BIRC6: variants seen among roughly 807,000 people sequenced by gnomAD.
BIRC6 encodes the protein baculoviral IAP repeat containing 6.
BIRC6 carries 98 observed loss-of-function variants against 503.3 expected under a neutral mutation model. That is an observed-to-expected ratio of 0.19 (90% CI 0.17 to 0.23). The LOEUF (loss-of-function observed/expected upper bound fraction) is 0.23, where lower values mean the gene tolerates loss of function less well. Ranked by LOEUF, BIRC6 falls within the 10% of genes least tolerant of loss-of-function variation. The pLI, the probability that BIRC6 is intolerant of heterozygous loss-of-function variation, is 1.00. For missense variants in BIRC6, 5,360 were observed against 5,806.0 expected (o/e 0.92, Z 2.50); for synonymous variants, 2,240 against 2,078.7 (o/e 1.08, Z -2.11).
chr2:32,557,896 G>C (rs906552192), intron 65 of BIRC6: 2 of 152,124 alleles, frequency 1.3e-5, no homozygotes, highest in African/African-American at 4.8e-5. Flanking sequence ...GAATGATTGT[G>C]AAGCAAATTG....
intron 23 of BIRC6, among the ~76,000 whole-genome samples, chr2:32,456,745 T>G (rs1350610249): frequency 6.6e-6 from 1 of 152,196 alleles, no homozygotes. Flanking sequence ...TTGCTAGTTG[T>G]GTTCTTCAAA....
intron 39 of BIRC6, among the ~76,000 whole-genome samples, chr2:32,482,957 G>A (rs1279022269): frequency 1.5e-5 from 2 of 133,748 alleles, no homozygotes; most frequent in Admixed American, 1.5e-4. Context: ...TTGTTCTGTT[G>A]CCCAGGCTGG....
chr2:32,426,370 A>C (rs2043493892), intron 10 of BIRC6, among the ~76,000 whole-genome samples: 1 of 152,248 alleles, frequency 6.6e-6, no homozygotes, highest in Non-Finnish European at 1.5e-5. Flanking sequence ...TGGGAGGTCA[A>C]GGCGGGCAGA....
chr2:32,483,781 C>T (rs1436395641), intron 39 of BIRC6, among the ~76,000 whole-genome samples: 2 of 152,092 alleles, frequency 1.3e-5, no homozygotes, highest in East Asian at 1.9e-4. Flanking sequence ...AATGCATCTT[C>T]GAAGGAATAT....
At chr2:32,482,639 T>C in intron 39 of BIRC6, 57 bp downstream of exon 39, 1 of 1,582,440 alleles carries the variant, frequency 6.3e-7, no homozygotes, top group South Asian at 1.1e-5. Context: ...GTCTGTCATT[T>C]ATGTATACTT....
At chr2:32,471,209 C>G in intron 32 of BIRC6, 85 bp downstream of exon 32, 1 of 1,506,856 alleles carries the variant, frequency 6.6e-7, no homozygotes, top group Non-Finnish European at 9.0e-7. Flanking sequence ...CGCAGTTGTT[C>G]CAGAACTGGC....
Position 32,543,413 on chromosome 2 carries a change from C to T in BIRC6, c.12464C>T (p.Ala4155Val). 1.9e-6 allele frequency: 3 copies of T among 1,613,984 alleles called. No homozygotes were observed. Among genetic ancestry groups the T allele is most frequent in the Non-Finnish European group, 2.5e-6 (3 of 1,179,892 alleles). The change falls in exon 62 of 74, where the codon GCC (alanine) becomes GTC (valine). Residue 4155 changes from alanine to valine, a missense_variant. Physicochemically the swap from Ala to Val is moderately conservative, Grantham distance 64. Coordinates refer to ENST00000421745, the MANE Select transcript of BIRC6 (RefSeq NM_016252.4). ...GTACAGACCATGTCTCCCATACCTG[C>T]CCATTCTTTGGCTGCTTTTGGATTA... ...SAVQTMSPIP[A>V]HSLAAFGLFL...
In BIRC6 at chr2:32,490,047, T is replaced by C; in HGVS notation, c.8102T>C (p.Ile2701Thr). 1 of 1,607,028 alleles carries C rather than the reference T, an allele frequency of 6.2e-7. No homozygotes were observed. The highest frequency in any genetic ancestry group is 8.5e-7 in the Non-Finnish European group (1 of 1,173,840). ...IPVISLNQAS[I>T]TSFLTVLAWY... ...CTTTCTCTTTTCTGCATAGCATCAA[T>C]AACTAGCTTTCTCACAGTGTTAGCT... is the stretch of plus-strand genomic sequence containing the variant. Residue 2701 changes from isoleucine to threonine, a missense_variant, in exon 43 of 74, where the codon ATA becomes ACA. By Grantham distance (89) the Ile-to-Thr change is moderately conservative. Around this residue, in one of 16 missense-constraint regions of BIRC6, gnomAD observed 2,299 missense variants for 2,267.2 expected, o/e 1.01. Coordinates refer to ENST00000421745, the MANE Select transcript of BIRC6 (RefSeq NM_016252.4).
chr2:32,400,876 G>A (rs1210908634), intron 6 of BIRC6, among the ~76,000 whole-genome samples: 1 of 152,120 alleles, frequency 6.6e-6, no homozygotes, highest in South Asian at 2.1e-4. Flanking sequence ...ATGTAATATA[G>A]CATTGTATTG....
chr2:32,483,299 G>A (rs912770589), intron 39 of BIRC6, among the ~76,000 whole-genome samples: 2 of 151,926 alleles, frequency 1.3e-5, no homozygotes, highest in Non-Finnish European at 1.5e-5. Context: ...CCTTTTCAAC[G>A]CTGCTCCTTC....
At position 32,476,356 on chromosome 2, in the gene BIRC6, A is replaced by T; in HGVS notation, c.6852+12A>T. 4 of 1,559,286 alleles carry T rather than the reference A, an allele frequency of 2.6e-6. No individual in the cohort carries two copies. Among genetic ancestry groups the T allele is most frequent in the Non-Finnish European group, 2.6e-6 (3 of 1,153,264 alleles). On this transcript the variant is annotated intron_variant, in intron 34 of 73. Coordinates refer to ENST00000421745, the MANE Select transcript of BIRC6 (RefSeq NM_016252.4). Reference sequence around the variant, plus strand: ...AGGCCACTTCAAAGGTATGATCTATACTTTTCAATATAGTTATCTCAGAAA... The same window carrying T: ...AGGCCACTTCAAAGGTATGATCTATTCTTTTCAATATAGTTATCTCAGAAA...
At chr2:32,412,468 G>A (rs539392208) in intron 9 of BIRC6, among the ~76,000 whole-genome samples, 6 of 151,910 alleles carry the variant, frequency 3.9e-5, no homozygotes, top group African/African-American at 1.4e-4. Flanking sequence ...TTGCACTCCC[G>A]CCTGGGTGGC....
At position 32,406,571 on chromosome 2, in the gene BIRC6, A is replaced by G. The variant is rs2041240186; in HGVS notation, c.1477+14A>G. ...ATTCTGTGACAGGTATGTAAAAAGT[A>G]TTAGATAATGTATTTAAAAAATTCT... On this transcript the variant is annotated intron_variant, in intron 9 of 73. Coordinates refer to ENST00000421745, the MANE Select transcript of BIRC6 (RefSeq NM_016252.4). 6.3e-7 allele frequency: 1 copy of G among 1,582,708 alleles called. No homozygotes were observed. The highest frequency in any genetic ancestry group is 1.1e-5 in the South Asian group (1 of 89,164).
intron 6 of BIRC6, 87 bp from the exon 7 acceptor site, chr2:32,401,076 A>G (rs2040555335): frequency 8.7e-7 from 1 of 1,154,082 alleles, no homozygotes; most frequent in Admixed American, 2.2e-5. Context: ...CAGTTAAAAA[A>G]AGATGATGAT....
chr2:32,389,377 GAAA>G (rs551799404), intron 4 of BIRC6, among the ~76,000 whole-genome samples: 1 of 131,858 alleles, frequency 7.6e-6, no homozygotes, highest in African/African-American at 2.8e-5. Context: ...ATTTTATAAT[GAAA>G]AAAAAAAAAA....
chr2:32,369,926 TAAAAAAAA>T lies in BIRC6; in HGVS notation c.326-7649_326-7642del, dbSNP rs756693528. Reference sequence around the variant, plus strand: ...GGCAACATAGTGAGACCCTGTCTCTTAAAAAAAAAAAAAAAAAAAATATATATATATAT... The same window carrying T: ...GGCAACATAGTGAGACCCTGTCTCTTAAAAAAAAAAAATATATATATATAT... On this transcript the variant is annotated intron_variant, in intron 1 of 73. Coordinates refer to ENST00000421745, the MANE Select transcript of BIRC6 (RefSeq NM_016252.4). Among the ~76,000 whole-genome samples the T allele has an allele frequency of 2.3e-3, 85 of 37,752 alleles. 2 individuals carry two copies. Among genetic ancestry groups the T allele is most frequent in the Admixed American group, 3.9e-3 (11 of 2,856 alleles). The allele number at this position is 37,752 out of a possible 152,430, so 24.8% of individuals were successfully genotyped here.
At chr2:32,362,072 C>T (rs747941028) in intron 1 of BIRC6, among the ~76,000 whole-genome samples, 12 of 152,136 alleles carry the variant, frequency 7.9e-5, no homozygotes, top group Non-Finnish European at 1.3e-4. Context: ...TGCTGGGTTG[C>T]ATGTGAGAGT....
chr2:32,518,135 C>A, intron 55 of BIRC6, 119 bp from the exon 56 acceptor site: 1 of 938,124 alleles, frequency 1.1e-6, no homozygotes, highest in Non-Finnish European at 1.5e-6. Flanking sequence ...TGTTCTTTAG[C>A]TACTGATTTG....
chr2:32,607,238 A>C (rs549580288), intron 71 of BIRC6, among the ~76,000 whole-genome samples: 15 of 152,226 alleles, frequency 9.9e-5, no homozygotes, highest in African/African-American at 3.1e-4. Context: ...AAGAGTAAAA[A>C]CAGATGTGTA....
Sources: allele counts gnomAD v4.1 joint callset (sites outside exome capture counted in the v4.1 genomes callset), GRCh38; gene constraint gnomAD v4.1.1; regional missense constraint gnomAD v4.1.1; transcripts MANE v1.5; gene names NCBI Gene and HGNC (gene_info 2026-07-23, HGNC 2026-07-21).